Variants in KLHL25 observed in about 807,000 individuals in gnomAD.
KLHL25 encodes kelch-like protein 25.
Under a neutral mutation model 30.0 loss-of-function variants are expected in KLHL25, and 41 were observed. The observed-to-expected ratio is 1.37, with a 90% CI of 1.07 to 1.78. The LOEUF (loss-of-function observed/expected upper bound fraction) is 1.78. Ranked by LOEUF, KLHL25 falls within the 40% of genes most tolerant of loss-of-function variation. KLHL25 has a pLI of 0.00. For missense variants in KLHL25, 971 were observed against 824.5 expected (o/e 1.18, Z -2.18); for synonymous variants, 399 against 355.3 (o/e 1.12, Z -1.38).
At chr15:85,776,856 C>T (rs553213215) in intron 1 of KLHL25, among the ~76,000 whole-genome samples, 3 of 151,060 alleles carry the variant, frequency 2.0e-5, no homozygotes, top group South Asian at 4.2e-4. Flanking sequence ...ACTCAGGAGG[C>T]GGAGGTTGCA....
chr15:85,763,514 C>G (rs1277984061), intron 2 of KLHL25: 3 of 152,272 alleles, frequency 2.0e-5, no homozygotes, highest in Non-Finnish European at 4.4e-5. Flanking sequence ...ACAGGGAACT[C>G]GATGCAGACG....
intron 1 of KLHL25, among the ~76,000 whole-genome samples, chr15:85,790,792 C>T (rs1275037451): frequency 6.6e-6 from 1 of 151,656 alleles, no homozygotes; most frequent in African/African-American, 2.4e-5. Flanking sequence ...ACTCAGGGAA[C>T]AGGAGACCAC....
At chr15:85,765,590 C>CA (rs1254541283) in intron 2 of KLHL25, among the ~76,000 whole-genome samples, 1 of 144,478 alleles carries the variant, frequency 6.9e-6, no homozygotes, top group Non-Finnish European at 1.5e-5. Context: ...CGCACCATTA[C>CA]ACTCCAGCCT....
intron 1 of KLHL25, among the ~76,000 whole-genome samples, chr15:85,784,487 C>A (rs191382583): frequency 1.3e-5 from 2 of 151,830 alleles, no homozygotes; most frequent in Admixed American, 6.6e-5. Context: ...GCTGACGTTG[C>A]TCTACTGCAC....
chr15:85,779,452 T>C (rs138288974), intron 1 of KLHL25, among the ~76,000 whole-genome samples: 210 of 152,248 alleles, frequency 1.4e-3, no homozygotes, highest in African/African-American at 4.5e-3. Flanking sequence ...GATACACATG[T>C]GGTATTAAAA....
chr15:85,765,580 C>A (rs576638281), intron 2 of KLHL25, among the ~76,000 whole-genome samples: 4 of 147,920 alleles, frequency 2.7e-5, no homozygotes, highest in South Asian at 4.3e-4. Context: ...GAGCAGAGAT[C>A]GCACCATTAC....
chr15:85,760,492 G>C lies in KLHL25; in HGVS notation c.*544C>G, dbSNP rs1183816206. 6.6e-6 allele frequency: 1 copy of C among 152,204 alleles called. No individual in the cohort carries two copies. The highest frequency in any genetic ancestry group is 1.9e-4 in the East Asian group (1 of 5,186). 9.4% of individuals were successfully genotyped at this position (152,204 alleles called of 1,614,324 possible). A position where few individuals can be genotyped will look rare whatever the true frequency, so the allele number is the denominator to read the frequency against. On this transcript the variant is annotated 3_prime_UTR_variant, in exon 3 of 3. Transcript: ENST00000337975. ...TCATGGATGTCACTGAGGCCCCCCT[G>C]CAGTTTCTGCACCTTAAAAAATCTG...
chr15:85,761,865 TGTTA>T (rs1463282236), intron 2 of KLHL25: 1 of 152,208 alleles, frequency 6.6e-6, no homozygotes, highest in Admixed American at 6.5e-5. Context: ...AAGCTGTACG[TGTTA>T]GTTTTAGTTG....
At chr15:85,776,966 A>G (rs75751828) in intron 1 of KLHL25, among the ~76,000 whole-genome samples, 2,099 of 152,260 alleles carry the variant, frequency 0.014, 57 homozygotes, top group African/African-American at 0.048. Flanking sequence ...CAGATCTGAC[A>G]CTTGCAGTGA....
chr15:85,794,021 A>G (rs1047499587), intron 1 of KLHL25, among the ~76,000 whole-genome samples: 6 of 152,230 alleles, frequency 3.9e-5, no homozygotes, highest in Admixed American at 1.3e-4. Flanking sequence ...CCAAGAGAAA[A>G]GCTTCTAAAG....
Position 85,769,492 on chromosome 15 carries a change from A to C in KLHL25, c.319T>G (p.Ser107Ala). 1 of 1,614,012 alleles carries C rather than the reference A, an allele frequency of 6.2e-7. No homozygotes were observed. ...VLELLLDFAY[S>A]SRIAINEENA... ...TCCTCGTTGATGGCGATGCGTGAGG[A>C]GTAGGCAAAGTCCAGCAGCAGCTCC... The change falls in exon 2 of 3, where the codon TCC becomes GCC. Residue 107 changes from serine (S) to alanine (A), a missense_variant. Coordinates refer to ENST00000337975, the MANE Select transcript of KLHL25 (RefSeq NM_022480.4).
intron 1 of KLHL25, among the ~76,000 whole-genome samples, chr15:85,790,648 T>C (rs1202264508): frequency 1.3e-5 from 2 of 152,158 alleles, no homozygotes; most frequent in Admixed American, 1.3e-4. Context: ...CTGACTCAAG[T>C]GCTCTTTCTG....
chr15:85,781,640 T>C (rs116559827), intron 1 of KLHL25, among the ~76,000 whole-genome samples: 1,929 of 152,170 alleles, frequency 0.013, 44 homozygotes, highest in African/African-American at 0.043. Flanking sequence ...CATGCCACCA[T>C]GCCGGCTAAT....
At chr15:85,779,374 T>C (rs1200118244) in intron 1 of KLHL25, among the ~76,000 whole-genome samples, 1 of 152,164 alleles carries the variant, frequency 6.6e-6, no homozygotes, top group Non-Finnish European at 1.5e-5. Flanking sequence ...GAGGAGGCAG[T>C]GGATGGGGAC....
rs1166968094 is a variant in KLHL25, at chr15:85,769,805, C to A, written c.6G>T (p.Ser2=). 3 of 1,604,350 alleles carry A rather than the reference C, an allele frequency of 1.9e-6. No individual in the cohort carries two copies. The highest frequency in any genetic ancestry group is 2.6e-6 in the Non-Finnish European group (3 of 1,176,216). The change falls in exon 2 of 3, where the codon TCG becomes TCT. Residue 2 remains serine, a synonymous_variant. Coordinates refer to ENST00000337975, the MANE Select transcript of KLHL25 (RefSeq NM_022480.4). M[S]VSVHETRKSR... is the part of the protein sequence containing the mutation. ...ACTTGCGGGTCTCATGGACACTGAC[C>A]GACATGGTGCGTCAGCTTGTGGGGG...
intron 1 of KLHL25, among the ~76,000 whole-genome samples, chr15:85,779,573 T>G (rs2089731118): frequency 6.6e-6 from 1 of 152,256 alleles, no homozygotes. Context: ...ATTTTCACTA[T>G]GGCTTATTAT....
Position 85,769,067 on chromosome 15 carries a change from C to T in KLHL25, c.744G>A (p.Glu248=), listed in dbSNP as rs2089648680. ...TGAGGAGGGCCTCGCTGGAGACGGC[C>T]TCCTGCAGGCAGTCGGACGGCAGCA... The part of the protein sequence containing the change: ...LALLPSDCLQ[E]AVSSEALLMA... Residue 248 remains glutamate (E), a synonymous_variant, in exon 2 of 3, where the codon GAG becomes GAA. Coordinates refer to ENST00000337975, the MANE Select transcript of KLHL25 (RefSeq NM_022480.4). The T allele has an allele frequency of 6.2e-7, 1 of 1,606,708 alleles. No homozygotes were observed. Among genetic ancestry groups the T allele is most frequent in the South Asian group, 1.1e-5 (1 of 90,940 alleles).
At chr15:85,791,248 C>A (rs1041410880) in intron 1 of KLHL25, among the ~76,000 whole-genome samples, 3 of 149,710 alleles carry the variant, frequency 2.0e-5, no homozygotes, top group Admixed American at 6.7e-5. Context: ...GTAATCCCAG[C>A]ACTTTAGGAG....
chr15:85,767,704 G>A (rs150525359), intron 2 of KLHL25, among the ~76,000 whole-genome samples: 43 of 152,322 alleles, frequency 2.8e-4, no homozygotes, highest in Non-Finnish European at 5.1e-4. Context: ...GACTCTGCAG[G>A]TTGACCTATG....
Sources: gnomAD v4.1 joint callset for allele counts (sites outside exome capture counted in the v4.1 genomes callset) on GRCh38, gnomAD v4.1.1 for gene constraint, MANE v1.5 for transcripts, NCBI Gene and HGNC (gene_info 2026-07-23, HGNC 2026-07-21) for gene names.